The following ARSF variants were observed in gnomAD, a reference collection of about 807,000 sequenced individuals.
ARSF encodes arylsulfatase F.
A neutral mutation model predicts 35.4 loss-of-function variants in ARSF; 33 were observed. That is an observed-to-expected ratio of 0.93 (90% confidence interval 0.71 to 1.25). ARSF has a LOEUF of 1.25. ARSF is among the 50% of genes most tolerant of loss of function. The pLI is 0.00. For missense variants in ARSF, 501 were observed against 480.2 expected (o/e 1.04, Z -0.40); for synonymous variants, 222 against 193.1 (o/e 1.15, Z -1.24).
intron 6 of ARSF, among the ~76,000 whole-genome samples, chrX:3,085,513 T>C (rs1011622946): frequency 3.1e-4 from 34 of 110,280 alleles, no homozygotes; most frequent in African/African-American, 1.1e-3. Context: ...ATTTCATGAA[T>C]TGGATGAGGT....
intron 10 of ARSF, 71 bp downstream of exon 10, chrX:3,110,323 T>C: frequency 1.0e-6 from 1 of 995,008 alleles, no homozygotes; most frequent in Non-Finnish European, 1.3e-6. Flanking sequence ...CTGAACGCAT[T>C]CTTCCTTTCC....
intron 7 of ARSF, among the ~76,000 whole-genome samples, chrX:3,091,826 T>TAGAC (rs1174791123): frequency 3.7e-5 from 4 of 108,764 alleles, no homozygotes; most frequent in African/African-American, 1.0e-4. Flanking sequence ...GATGGACTGA[T>TAGAC]AGTTGATAGA....
rs1569137822 is a variant in ARSF, at chrX:3,076,572, CAGGGA to C, written c.190_194del (p.Glu64ArgfsTer34). 2.5e-6 allele frequency: 3 copies of C among 1,209,007 alleles called. No homozygotes were observed. Among genetic ancestry groups the C allele is most frequent in the East Asian group, 5.9e-5 (2 of 33,756 alleles). Reference sequence around the variant, plus strand: ...GGACGCCTCACATCGACCGCCTTGCCAGGGAAGGCGTGCGACTGACTCAGCACATC... The same window carrying C: ...GGACGCCTCACATCGACCGCCTTGCCAGGCGTGCGACTGACTCAGCACATC... On this transcript the variant is annotated frameshift_variant, in exon 4 of 11. Transcript: ENST00000381127. LOFTEE classifies it high-confidence loss of function.
chrX:3,068,671 C>T (rs934719531), intron 2 of ARSF, among the ~76,000 whole-genome samples: 14 of 111,642 alleles, frequency 1.3e-4, no homozygotes, highest in Admixed American at 4.8e-4. Flanking sequence ...GGAATCCCCC[C>T]GCCTCAGCCT....
At chrX:3,055,613 A>G (rs2090015023) in intron 1 of ARSF, among the ~76,000 whole-genome samples, 1 of 111,595 alleles carries the variant, frequency 9.0e-6, no homozygotes, top group Admixed American at 9.6e-5. Context: ...AAGTTGTCCT[A>G]TTGACTCTGC....
intron 1 of ARSF, among the ~76,000 whole-genome samples, chrX:3,056,252 C>T (rs1007057402): frequency 2.8e-5 from 3 of 108,840 alleles, no homozygotes; most frequent in South Asian, 4.0e-4. Context: ...TGAGCCACTG[C>T]GCCGGGTCGC....
chrX:3,070,768 T>A (rs932178117), intron 2 of ARSF, among the ~76,000 whole-genome samples: 1 of 111,360 alleles, frequency 9.0e-6, no homozygotes, highest in Non-Finnish European at 1.9e-5. Context: ...CATTGCGTCA[T>A]TCTTATGCCT....
At chrX:3,065,286 G>C (rs1369988403) in intron 1 of ARSF, among the ~76,000 whole-genome samples, 1 of 105,484 alleles carries the variant, frequency 9.5e-6, no homozygotes, top group East Asian at 3.0e-4. Flanking sequence ...GCCTGTTGTG[G>C]GGTGGGGGGT....
At chrX:3,073,599 A>ATT (rs1333182418) in intron 3 of ARSF, among the ~76,000 whole-genome samples, 1 of 100,352 alleles carries the variant, frequency 1.0e-5, no homozygotes, top group African/African-American at 3.6e-5. Flanking sequence ...TTTAATATAA[A>ATT]TAAATATAAT....
chrX:3,076,744 AC>A, intron 4 of ARSF, 75 bp downstream of exon 4: 1 of 1,151,497 alleles, frequency 8.7e-7, no homozygotes, highest in Admixed American at 2.4e-5. Context: ...TGGCTTGACC[AC>A]GTTAACAAGT....
In ARSF at chrX:3,076,587, A is replaced by G. The variant is rs1603464496; in HGVS notation, c.201A>G (p.Arg67=). The part of the protein sequence containing the change: ...HIDRLAREGV[R]LTQHISAASL... ...ACCGCCTTGCCAGGGAAGGCGTGCGACTGACTCAGCACATCTCTGCCGCCT... is the reference window on the plus strand; with the variant it reads ...ACCGCCTTGCCAGGGAAGGCGTGCGGCTGACTCAGCACATCTCTGCCGCCT... Residue 67 remains arginine (R), a synonymous_variant, in exon 4 of 11, where the codon CGA becomes CGG. Transcript: ENST00000381127. 2.5e-6 allele frequency: 3 copies of G among 1,209,417 alleles called. No individual in the cohort carries two copies. Among genetic ancestry groups the G allele is most frequent in the East Asian group, 3.0e-5 (1 of 33,745 alleles).
intron 7 of ARSF, among the ~76,000 whole-genome samples, chrX:3,100,812 A>G (rs1034503130): frequency 2.7e-5 from 3 of 110,911 alleles, no homozygotes; most frequent in Non-Finnish European, 5.7e-5. Context: ...GGCCAGGCTG[A>G]TCTTGAACTC....
chrX:3,076,659 C>A lies in ARSF; in HGVS notation c.273C>A (p.Pro91=), dbSNP rs775233348. The change falls in exon 4 of 11, where the codon CCC becomes CCA. Residue 91 remains proline (P), a synonymous_variant. Coordinates refer to ENST00000381127, the MANE Select transcript of ARSF (RefSeq NM_001201539.2). ...SRSAFLTGRY[P]IRSGMVSSGN... is the part of the protein sequence containing the mutation. ...CCGCGTTCTTGACGGGAAGATACCC[C>A]ATCCGATCAGGTGCGCAAACTGGCG... 1 of 1,211,363 alleles carries A rather than the reference C, an allele frequency of 8.3e-7. No homozygotes were observed. Among genetic ancestry groups the A allele is most frequent in the East Asian group, 3.0e-5 (1 of 33,835 alleles).
intron 7 of ARSF, among the ~76,000 whole-genome samples, chrX:3,093,065 C>T (rs1159521287): frequency 9.1e-6 from 1 of 110,311 alleles, no homozygotes; most frequent in African/African-American, 3.3e-5. Flanking sequence ...ACTCGGGAGG[C>T]TGAGGCAGGA....
intron 4 of ARSF, among the ~76,000 whole-genome samples, chrX:3,077,456 C>A (rs188504474): frequency 0.03 from 3,324 of 111,017 alleles, 56 homozygotes; most frequent in Middle Eastern, 0.084. Flanking sequence ...CTGGCCAACA[C>A]GGTGAAAGCT....
intron 3 of ARSF, among the ~76,000 whole-genome samples, chrX:3,076,095 CTCTT>C (rs1353614637): frequency 1.8e-5 from 2 of 108,452 alleles, no homozygotes; most frequent in Non-Finnish European, 3.8e-5. Context: ...TTCCATCTCT[CTCTT>C]TCTGTTTCTC....
At chrX:3,047,639 A>T (rs1435462923) in intron 1 of ARSF, among the ~76,000 whole-genome samples, 1 of 110,307 alleles carries the variant, frequency 9.1e-6, no homozygotes, top group Non-Finnish European at 1.9e-5. Context: ...GACTAGGTAA[A>T]CACCACTACA....
At chrX:3,098,190 C>A (rs920034062) in intron 7 of ARSF, among the ~76,000 whole-genome samples, 1 of 108,889 alleles carries the variant, frequency 9.2e-6, no homozygotes, top group Non-Finnish European at 1.9e-5. Context: ...GTCTCAAATA[C>A]CTGAGCTCAA....
In ARSF at chrX:3,101,179, C is replaced by A; in HGVS notation, c.1060C>A (p.Arg354=). The change falls in exon 8 of 11, where the codon CGA becomes AGA. Residue 354 remains arginine, a synonymous_variant. Coordinates refer to ENST00000381127, the MANE Select transcript of ARSF (RefSeq NM_001201539.2). Reference sequence around the variant, plus strand: ...TCACGGAGGGCATTTGGAAGCTAGGCGAGGGCATGCCCAACTTGGTGGATG... The same window carrying A: ...TCACGGAGGGCATTTGGAAGCTAGGAGAGGGCATGCCCAACTTGGTGGATG... The part of the protein sequence containing the change: ...SDHGGHLEAR[R]GHAQLGGWNG... The A allele has an allele frequency of 8.3e-7, 1 of 1,210,846 alleles. No individual in the cohort carries two copies. The highest frequency in any genetic ancestry group is 1.1e-6 in the Non-Finnish European group (1 of 895,089).
Sources: allele counts gnomAD v4.1 joint callset (sites outside exome capture counted in the v4.1 genomes callset), GRCh38; gene constraint gnomAD v4.1.1; transcripts MANE v1.5; gene names NCBI Gene and HGNC (gene_info 2026-07-23, HGNC 2026-07-21).